Variants in FOCAD observed in about 807,000 individuals in gnomAD.
The protein encoded by FOCAD is KIAA1797.
Under a neutral mutation model 225.6 loss-of-function variants are expected in FOCAD, and 198 were observed. The observed-to-expected ratio is 0.88, with a 90% CI of 0.78 to 0.99. The LOEUF (loss-of-function observed/expected upper bound fraction) is 0.99, where lower values mean the gene tolerates loss of function less well. FOCAD is among the 50% of genes least tolerant of loss of function. The probability of loss-of-function intolerance (pLI) is 0.00; values close to 1 mark genes in which losing one functional copy is unlikely to be tolerated. For synonymous variants in FOCAD, 897 were observed against 755.0 expected (o/e 1.19, Z -3.08); for missense variants, 2,713 against 2,123.6 (o/e 1.28, Z -5.46).
intron 1 of FOCAD, among the ~76,000 whole-genome samples, chr9:20,695,607 T>C (rs1474624284): frequency 6.6e-6 from 1 of 152,278 alleles, no homozygotes; most frequent in East Asian, 1.9e-4. Context: ...AGATATGAAA[T>C]GGAATGGACA....
At chr9:20,726,497 G>T (rs191990538) in intron 4 of FOCAD, 70 of 152,298 alleles carry the variant, frequency 4.6e-4, no homozygotes, top group African/African-American at 1.6e-3. Flanking sequence ...TGTGCTCTCA[G>T]ACAGGGAAGG....
At chr9:20,975,431 A>G (rs547665048) in intron 35 of FOCAD, among the ~76,000 whole-genome samples, 1 of 152,316 alleles carries the variant, frequency 6.6e-6, no homozygotes, top group African/African-American at 2.4e-5. Context: ...AACGGTCACC[A>G]TGGCACAGGC....
chr9:20,888,950 A>T (rs1385806868), intron 21 of FOCAD, among the ~76,000 whole-genome samples: 1 of 152,174 alleles, frequency 6.6e-6, no homozygotes, highest in African/African-American at 2.4e-5. Context: ...TGTCTTTATC[A>T]GCAGTGTGAA....
chr9:20,753,887 T>C (rs1227657840), intron 5 of FOCAD, among the ~76,000 whole-genome samples: 3 of 152,200 alleles, frequency 2.0e-5, no homozygotes, highest in African/African-American at 4.8e-5. Context: ...TATTTACAAG[T>C]GATCGGGCTG....
At chr9:20,863,897 G>T (rs1410278611) in intron 16 of FOCAD, among the ~76,000 whole-genome samples, 1 of 151,920 alleles carries the variant, frequency 6.6e-6, no homozygotes, top group Non-Finnish European at 1.5e-5. Context: ...TGGTGTGTTG[G>T]TTTTTTGTGT....
At chr9:20,916,526 T>G (rs1264449786) in intron 23 of FOCAD, among the ~76,000 whole-genome samples, 1 of 152,184 alleles carries the variant, frequency 6.6e-6, no homozygotes, top group Non-Finnish European at 1.5e-5. Flanking sequence ...GGATTAGGAT[T>G]CAATTTCAAA....
chr9:20,761,770 C>T (rs981593005), intron 6 of FOCAD, among the ~76,000 whole-genome samples: 10 of 152,160 alleles, frequency 6.6e-5, no homozygotes, highest in Non-Finnish European at 2.9e-5. Context: ...TTTAGTACTT[C>T]TCCCTCTGTG....
chr9:20,687,060 A>G (rs1300709565), intron 1 of FOCAD, among the ~76,000 whole-genome samples: 1 of 151,716 alleles, frequency 6.6e-6, no homozygotes, highest in African/African-American at 2.4e-5. Context: ...TTATGATTTT[A>G]AAAGTTTATA....
At chr9:20,926,226 G>T in intron 25 of FOCAD, 75 bp from the exon 26 acceptor site, 1 of 912,738 alleles carries the variant, frequency 1.1e-6, no homozygotes, top group East Asian at 2.4e-5. Flanking sequence ...ATAGAAGGGA[G>T]TTACACCTTA....
chr9:20,839,872 G>A (rs1235354928), intron 15 of FOCAD, among the ~76,000 whole-genome samples: 1 of 151,932 alleles, frequency 6.6e-6, no homozygotes, highest in Admixed American at 6.6e-5. Flanking sequence ...TCATTTTTCT[G>A]CATATGATTA....
In FOCAD at chr9:20,740,357, T is replaced by G. The variant is rs1211171746; in HGVS notation, c.392+17T>G. ...TACCATTAGGTAAGCCTTTTTTCTG[T>G]TTTTTTTTTAAACAAATATGAATTT... On this transcript the variant is annotated intron_variant, in intron 5 of 43. Coordinates refer to ENST00000338382, the MANE Select transcript of FOCAD (RefSeq NM_001375567.1). 1.8e-6 allele frequency: 2 copies of G among 1,117,630 alleles called. No homozygotes were observed. Among genetic ancestry groups the G allele is most frequent in the Middle Eastern group, 2.2e-4 (1 of 4,556 alleles). 69.2% of individuals were successfully genotyped at this position (1,117,630 alleles called of 1,614,324 possible).
At chr9:20,739,569 C>A (rs1402116135) in intron 4 of FOCAD, among the ~76,000 whole-genome samples, 1 of 150,078 alleles carries the variant, frequency 6.7e-6, no homozygotes, top group African/African-American at 2.5e-5. Flanking sequence ...TGCCATTGAA[C>A]TACAGGCTGG....
chr9:20,922,788 C>G (rs986152687), intron 24 of FOCAD, among the ~76,000 whole-genome samples: 1 of 152,166 alleles, frequency 6.6e-6, no homozygotes, highest in Admixed American at 6.5e-5. Flanking sequence ...TATGGGTGCT[C>G]TTGTTGCTGG....
chr9:20,888,460 G>C (rs368306332), intron 21 of FOCAD, among the ~76,000 whole-genome samples: 2 of 152,002 alleles, frequency 1.3e-5, no homozygotes, highest in African/African-American at 4.8e-5. Flanking sequence ...AATGTATTTT[G>C]AAGAGTGGAC....
chr9:20,979,342 T>A (rs894728015), intron 37 of FOCAD, among the ~76,000 whole-genome samples: 4 of 152,168 alleles, frequency 2.6e-5, no homozygotes, highest in Non-Finnish European at 4.4e-5. Context: ...TTTCTGTTTT[T>A]TTGTTGTTGT....
chr9:20,821,366 T>C (rs757322979), intron 14 of FOCAD, among the ~76,000 whole-genome samples: 5 of 152,098 alleles, frequency 3.3e-5, no homozygotes, highest in South Asian at 2.1e-4. Flanking sequence ...TCTATTTTTC[T>C]GTATATGAAT....
In FOCAD at chr9:20,948,860, A is replaced by G. The variant is rs2132356165; in HGVS notation, c.3808A>G (p.Thr1270Ala). 2 of 1,613,482 alleles carry G rather than the reference A, an allele frequency of 1.2e-6. No homozygotes were observed. Among genetic ancestry groups the G allele is most frequent in the East Asian group, 4.5e-5 (2 of 44,864 alleles). ...IRIVLTEGTP[T>A]MLCLAALHGM... ...GATGCTTTGTTTTCAGGGCACTCCC[A>G]CAATGCTTTGTCTGGCAGCTCTTCA... Residue 1270 changes from threonine (T) to alanine (A), a missense_variant, in exon 32 of 44, where the codon ACA (threonine) becomes GCA (alanine). Thr to Ala is a moderately conservative substitution (Grantham distance 58). Coordinates refer to ENST00000338382, the MANE Select transcript of FOCAD (RefSeq NM_001375567.1).
intron 5 of FOCAD, among the ~76,000 whole-genome samples, chr9:20,753,690 G>A (rs928502669): frequency 3.5e-4 from 53 of 152,148 alleles, no homozygotes; most frequent in Admixed American, 3.5e-3. Flanking sequence ...GAGTTAGGGA[G>A]GATTCCCTCT....
intron 11 of FOCAD, among the ~76,000 whole-genome samples, chr9:20,811,254 G>A (rs1732799890): frequency 6.6e-6 from 1 of 152,008 alleles, no homozygotes; most frequent in Non-Finnish European, 1.5e-5. Flanking sequence ...GCAAGTACAT[G>A]GGTTTTAGTG....
Sources: allele counts gnomAD v4.1 joint callset (sites outside exome capture counted in the v4.1 genomes callset), GRCh38; gene constraint gnomAD v4.1.1; transcripts MANE v1.5; gene names NCBI Gene and HGNC (gene_info 2026-07-23, HGNC 2026-07-21).